The following EML2 variants were observed in gnomAD, a reference collection of about 807,000 sequenced individuals.
EML2 encodes the protein EMAP like 2, also known as echinoderm microtubule-associated protein-like 2.
EML2 carries 59 observed loss-of-function variants against 84.7 expected under a neutral mutation model. That is an observed-to-expected ratio of 0.70 (90% CI 0.56 to 0.86). EML2 has a LOEUF of 0.86. Among genes scored for constraint, EML2 ranks in the 40% least tolerant of loss-of-function variants. The probability of loss-of-function intolerance (pLI) is 0.00; values close to 1 mark genes in which losing one functional copy is unlikely to be tolerated. For synonymous variants in EML2, 352 were observed against 348.9 expected, an observed-to-expected ratio of 1.01 and a Z score of -0.10; for missense variants, 818 against 855.6, an observed-to-expected ratio of 0.96 and a Z score of 0.55.
chr19:45,621,561 C>A lies in EML2; in HGVS notation c.918G>T (p.Gly306=). 1 of 1,612,872 alleles carries A rather than the reference C, an allele frequency of 6.2e-7. No individual in the cohort carries two copies. Among genetic ancestry groups the A allele is most frequent in the Non-Finnish European group, 8.5e-7 (1 of 1,179,944 alleles). ...CACGGCCCCCTCCAGACACCAGCGT[C>A]CCGTCCCGCAGGGCGCAGAGCCCAA... ...GVFGLCALRD[G]TLVSGGGRDR... is the part of the protein sequence containing the mutation. Residue 306 remains glycine, a synonymous_variant, in exon 10 of 19, where the codon GGG becomes GGT. Coordinates refer to ENST00000245925, the MANE Select transcript of EML2 (RefSeq NM_012155.4).
upstream of EML2, chr19:45,645,399 C>T: frequency 6.7e-7 from 1 of 1,492,860 alleles, no homozygotes; most frequent in Non-Finnish European, 8.8e-7. Context: ...TCCCCCCAAC[C>T]AGGCCCTGCC....
intron 6 of EML2, 24 bp from the exon 7 acceptor site, chr19:45,630,070 G>A (rs1165397455): frequency 1.3e-6 from 2 of 1,579,170 alleles, no homozygotes; most frequent in African/African-American, 2.7e-5. Flanking sequence ...GAGAGGAGGG[G>A]GACAGAGGCA....
At chr19:45,626,536 T>A (rs1972348550) in intron 8 of EML2, among the ~76,000 whole-genome samples, 169 bp downstream of exon 8, 1 of 151,886 alleles carries the variant, frequency 6.6e-6, no homozygotes, top group South Asian at 2.1e-4. Context: ...AGAGTTAAGG[T>A]GGATCATCAC....
chr19:45,611,178 G>A (rs1204875201), intron 18 of EML2, among the ~76,000 whole-genome samples: 1 of 152,162 alleles, frequency 6.6e-6, no homozygotes, highest in Non-Finnish European at 1.5e-5. Flanking sequence ...GGGAGGCCGA[G>A]GCAGGCAGAT....
chr19:45,643,322 G>T (rs1008902269), upstream of EML2, among the ~76,000 whole-genome samples: 1 of 152,224 alleles, frequency 6.6e-6, no homozygotes, highest in African/African-American at 2.4e-5. Context: ...TGCAGGCAGC[G>T]CATGGCAGAC....
At chr19:45,626,971 T>TC (rs1972425846) in intron 7 of EML2, 132 bp from the exon 8 acceptor site, 1 of 910,846 alleles carries the variant, frequency 1.1e-6, no homozygotes. Context: ...TTTTTTTTTT[T>TC]TTTTTCAGGG....
intron 11 of EML2, among the ~76,000 whole-genome samples, chr19:45,620,040 A>G (rs1971514647): frequency 1.3e-5 from 2 of 152,240 alleles, no homozygotes; most frequent in South Asian, 4.1e-4. Flanking sequence ...GATATAATAA[A>G]TAAATAAAAT....
intron 8 of EML2, among the ~76,000 whole-genome samples, 155 bp downstream of exon 8, chr19:45,626,550 G>T (rs765127059): frequency 1.3e-5 from 2 of 151,952 alleles, no homozygotes; most frequent in African/African-American, 4.8e-5. Flanking sequence ...TCATCACCAT[G>T]GTATGGAGAA....
chr19:45,638,296 CTT>C (rs1267717985), intron 3 of EML2, among the ~76,000 whole-genome samples: 1 of 152,230 alleles, frequency 6.6e-6, no homozygotes, highest in Non-Finnish European at 1.5e-5. Flanking sequence ...ATTCCCAACT[CTT>C]TTTGCTCAAA....
At chr19:45,628,828 T>G in intron 7 of EML2, 1 of 129,950 alleles carries the variant, frequency 7.7e-6, no homozygotes, top group Non-Finnish European at 1.6e-5. Flanking sequence ...CGTCTCAAAG[T>G]AAGTAAGTAA....
chr19:45,637,673 T>C (rs1365839963), intron 3 of EML2, among the ~76,000 whole-genome samples: 18 of 93,658 alleles, frequency 1.9e-4, no homozygotes, highest in African/African-American at 3.9e-4. Context: ...TTTTCTTTTT[T>C]TTTTTTTTTT....
chr19:45,637,403 A>G (rs1031935289), intron 3 of EML2, among the ~76,000 whole-genome samples: 5 of 152,126 alleles, frequency 3.3e-5, no homozygotes, highest in South Asian at 2.1e-4. Context: ...GTAAAAAAAT[A>G]AATTCATACC....
At chr19:45,610,814 C>T (rs993758645) in intron 18 of EML2, among the ~76,000 whole-genome samples, 3 of 151,708 alleles carry the variant, frequency 2.0e-5, no homozygotes, top group Admixed American at 1.3e-4. Flanking sequence ...CACTCCAGCC[C>T]GGGCGATAGA....
intron 6 of EML2, 109 bp from the exon 7 acceptor site, chr19:45,630,155 G>A: frequency 2.6e-6 from 2 of 761,648 alleles, no homozygotes; most frequent in Admixed American, 2.0e-5. Flanking sequence ...AAACCTTCAG[G>A]CTGGGCACAG....
rs1334427619 is a variant in EML2 at position 45,638,602 on chromosome 19, G to A, written c.82C>T (p.Arg28Cys). The stretch of plus-strand genomic sequence containing the variant: ...TCTGGGATCATCATGGGCACAGGGC[G>A]GCCCCTCAGGAACATTTTCACGGAG... Reference protein sequence around the residue: ...DGSVKMFLRGRPVPMMIPDEL... With the variant: ...DGSVKMFLRGCPVPMMIPDEL... Residue 28 changes from arginine to cysteine, a missense_variant, in exon 3 of 19, where the codon CGC becomes TGC. Transcript: ENST00000245925. 1.2e-6 allele frequency: 2 copies of A among 1,613,996 alleles called. No individual in the cohort carries two copies. The highest frequency in any genetic ancestry group is 1.7e-5 in the Admixed American group (1 of 60,000).
At chr19:45,624,994 G>A (rs1000447785) in intron 8 of EML2, among the ~76,000 whole-genome samples, 176 bp from the exon 9 acceptor site, 1 of 152,058 alleles carries the variant, frequency 6.6e-6, no homozygotes, top group Admixed American at 6.6e-5. Context: ...GCAGTGCTTC[G>A]GTGGCCTAGA....
intron 9 of EML2, among the ~76,000 whole-genome samples, chr19:45,624,464 A>C (rs1460462763): frequency 6.6e-6 from 1 of 152,060 alleles, no homozygotes; most frequent in Non-Finnish European, 1.5e-5. Context: ...TTCATCATCT[A>C]AACACAACTG....
chr19:45,613,466 G>A, intron 18 of EML2, 75 bp downstream of exon 18: 1 of 1,558,912 alleles, frequency 6.4e-7, no homozygotes, highest in Non-Finnish European at 8.7e-7. Flanking sequence ...GGTGGGGTTG[G>A]ACCAGAGCTG....
intron 6 of EML2, among the ~76,000 whole-genome samples, chr19:45,631,835 A>G (rs1004738366): frequency 3.4e-5 from 5 of 147,978 alleles, no homozygotes; most frequent in Admixed American, 1.4e-4. Context: ...CCTCCCAAGT[A>G]TCTGGGAGTA....
Sources: allele counts gnomAD v4.1 joint callset (sites outside exome capture counted in the v4.1 genomes callset), GRCh38; gene constraint gnomAD v4.1.1; transcripts MANE v1.5; gene names NCBI Gene and HGNC (gene_info 2026-07-23, HGNC 2026-07-21).